Variants in PCDHGA3 observed in about 807,000 individuals in gnomAD.
PCDHGA3 encodes protocadherin gamma-A3.
In PCDHGA3, 40 loss-of-function variants were observed where a neutral mutation model predicts 58.5. The observed-to-expected ratio is 0.68, with a 90% CI of 0.53 to 0.89. The LOEUF (loss-of-function observed/expected upper bound fraction) is 0.89. Ranked by LOEUF, PCDHGA3 falls within the 40% of genes least tolerant of loss-of-function variation. The probability of loss-of-function intolerance (pLI) is 0.00; values close to 1 mark genes in which losing one functional copy is unlikely to be tolerated. For missense variants in PCDHGA3, 1,223 were observed against 1,195.9 expected, an observed-to-expected ratio of 1.02 and a Z score of -0.33; for synonymous variants, 530 against 525.7, an observed-to-expected ratio of 1.01 and a Z score of -0.11.
intron 1 of PCDHGA3, chr5:141,371,107 A>AC (rs1370451724): frequency 5.0e-6 from 8 of 1,613,532 alleles, no homozygotes; most frequent in East Asian, 2.2e-5. Flanking sequence ...GCAAATGATA[A>AC]CCCCCCAGTA....
intron 1 of PCDHGA3, chr5:141,372,919 A>G (rs1404152823): frequency 2.0e-6 from 2 of 1,017,920 alleles, no homozygotes; most frequent in Non-Finnish European, 2.8e-6. Flanking sequence ...TATTTTATTG[A>G]TTTTCTGGTG....
intron 1 of PCDHGA3, among the ~76,000 whole-genome samples, chr5:141,436,720 A>G (rs1337926057): frequency 1.5e-4 from 23 of 152,216 alleles, no homozygotes; most frequent in Non-Finnish European, 3.4e-4. Context: ...TCTGTTGGGA[A>G]AAATAATAAT....
At position 141,487,769 on chromosome 5, in the gene PCDHGA3, T is replaced by C. The variant is rs775270506; in HGVS notation, c.2425-7038T>C. Reference sequence around the variant, plus strand: ...TAACTATGTGGTAGACGCTGTGCTTTGTAACTGTTTCGTGAATTAACCAGA... The same window carrying C: ...TAACTATGTGGTAGACGCTGTGCTTCGTAACTGTTTCGTGAATTAACCAGA... On this transcript the variant is annotated intron_variant, in intron 1 of 3. Transcript: ENST00000253812. The surrounding 1 kb of genome is among the most constrained non-coding windows in gnomAD (Gnocchi z 5.0). 8 of 1,538,288 alleles carry C rather than the reference T, an allele frequency of 5.2e-6. No homozygotes were observed. The highest frequency in any genetic ancestry group is 1.2e-5 in the South Asian group (1 of 82,608).
intron 2 of PCDHGA3, among the ~76,000 whole-genome samples, chr5:141,498,573 A>G (rs7725519): frequency 0.52 from 78,890 of 151,684 alleles, 21,175 homozygotes; most frequent in African/African-American, 0.65. Flanking sequence ...CAGGGCTAGT[A>G]TTGAGTTCTT....
intron 1 of PCDHGA3, chr5:141,383,593 G>C (rs893791654): frequency 5.6e-6 from 9 of 1,613,726 alleles, no homozygotes; most frequent in Admixed American, 1.7e-5. Flanking sequence ...CCAGGTGACA[G>C]TGGTGGATGT....
intron 1 of PCDHGA3, chr5:141,423,753 G>GC (rs1489142243): frequency 4.8e-6 from 3 of 626,014 alleles, no homozygotes; most frequent in African/African-American, 5.1e-5. Context: ...AACTGTTTGG[G>GC]GGGGGGGTGG....
intron 1 of PCDHGA3, among the ~76,000 whole-genome samples, chr5:141,426,008 T>G (rs2096909040): frequency 6.6e-6 from 1 of 152,224 alleles, no homozygotes; most frequent in South Asian, 2.1e-4. Context: ...GGCTTCCGGC[T>G]GCAGTTTTCT....
intron 1 of PCDHGA3, among the ~76,000 whole-genome samples, chr5:141,381,960 G>A (rs1283229818): frequency 6.6e-6 from 1 of 150,482 alleles, no homozygotes; most frequent in East Asian, 2.0e-4. Flanking sequence ...CTCCTGAGTA[G>A]CTGGGATTAC....
chr5:141,426,817 C>G (rs942714141), intron 1 of PCDHGA3: 4 of 456,594 alleles, frequency 8.8e-6, no homozygotes, highest in Non-Finnish European at 1.8e-5. Flanking sequence ...GAACATTTCT[C>G]TCTGATGATG....
At chr5:141,372,707 G>A (rs1451654894) in intron 1 of PCDHGA3, 2 of 1,613,964 alleles carry the variant, frequency 1.2e-6, no homozygotes, top group Non-Finnish European at 1.7e-6. Flanking sequence ...TCAATATAAA[G>A]GCTGAAAATG....
intron 1 of PCDHGA3, chr5:141,362,516 G>T: frequency 6.2e-7 from 1 of 1,613,984 alleles, no homozygotes; most frequent in Non-Finnish European, 8.5e-7. Context: ...ACAAATCATG[G>T]AGCCGCTGGG....
chr5:141,402,108 A>T (rs2094226699), intron 1 of PCDHGA3, among the ~76,000 whole-genome samples: 1 of 152,218 alleles, frequency 6.6e-6, no homozygotes, highest in African/African-American at 2.4e-5. Context: ...CAATTACAAA[A>T]ATGTGAAAAT....
At chr5:141,404,917 G>C in intron 1 of PCDHGA3, 1 of 1,613,772 alleles carries the variant, frequency 6.2e-7, no homozygotes, top group Non-Finnish European at 8.5e-7. Flanking sequence ...CCCCTCTCTC[G>C]GCCACTGTCA....
intron 1 of PCDHGA3, among the ~76,000 whole-genome samples, chr5:141,454,252 A>T (rs1288181537): frequency 6.6e-6 from 1 of 152,214 alleles, no homozygotes; most frequent in Non-Finnish European, 1.5e-5. Context: ...AAGATGTCCC[A>T]GAGAAAGTAA....
At chr5:141,405,560 G>A in intron 1 of PCDHGA3, 1 of 613,636 alleles carries the variant, frequency 1.6e-6, no homozygotes, top group Non-Finnish European at 2.9e-6. Context: ...GAGTAGCTGG[G>A]ACTAGAGTAG....
At chr5:141,458,413 G>A (rs138479316) in intron 1 of PCDHGA3, among the ~76,000 whole-genome samples, 1 of 152,196 alleles carries the variant, frequency 6.6e-6, no homozygotes, top group East Asian at 1.9e-4. Context: ...CGGAGCGGGG[G>A]TTCCAAAGCT....
At chr5:141,371,046 G>A (rs748244003) in intron 1 of PCDHGA3, 1 of 1,613,962 alleles carries the variant, frequency 6.2e-7, no homozygotes, top group South Asian at 1.1e-5. Context: ...TGTGGATGGG[G>A]GCGAGCCCTC....
chr5:141,380,058 C>G (rs1231461261), intron 1 of PCDHGA3, among the ~76,000 whole-genome samples: 1 of 151,888 alleles, frequency 6.6e-6, no homozygotes, highest in Non-Finnish European at 1.5e-5. Flanking sequence ...TGCCACCATG[C>G]CTAGCTAATT....
intron 1 of PCDHGA3, chr5:141,404,553 C>T: frequency 6.2e-7 from 1 of 1,613,766 alleles, no homozygotes; most frequent in Non-Finnish European, 8.5e-7. Context: ...CAGGTGACGG[C>T]AAGTGACAGT....
Sources: gnomAD v4.1 joint callset for allele counts (sites outside exome capture counted in the v4.1 genomes callset) on GRCh38, gnomAD v4.1.1 for gene constraint, Gnocchi (gnomAD v3.1) non-coding constraint, MANE v1.5 for transcripts, NCBI Gene and HGNC (gene_info 2026-07-23, HGNC 2026-07-21) for gene names.